Variants in LONRF1 observed in about 807,000 individuals in gnomAD.
The protein encoded by LONRF1 is LON peptidase N-terminal domain and ring finger 1.
Under a neutral mutation model 85.8 loss-of-function variants are expected in LONRF1, and 37 were observed. The ratio of observed to expected loss-of-function variants is 0.43; its 90% CI spans 0.33 to 0.57. The LOEUF is 0.57. Among genes scored for constraint, LONRF1 ranks in the 20% least tolerant of loss-of-function variants. LONRF1 has a pLI of 0.04. For missense variants in LONRF1, 1,036 were observed against 978.0 expected (o/e 1.06, Z -0.79); for synonymous variants, 517 against 390.1 (o/e 1.33, Z -3.83).
At position 12,723,294 on chromosome 8, in the gene LONRF1, G is replaced by C. The variant is rs778923727; in HGVS notation, c.2164-40C>G. 7 of 1,554,806 alleles carry C rather than the reference G, an allele frequency of 4.5e-6. No homozygotes were observed. In the African/African-American group the frequency reaches 5.5e-5, roughly 12 times the overall value. Reference sequence around the variant, plus strand: ...CAGTTTATAGCATTAATAAAACAAGGATTTATGTAACAACAGTAGCAAACC... The same window carrying C: ...CAGTTTATAGCATTAATAAAACAAGCATTTATGTAACAACAGTAGCAAACC... On this transcript the variant is annotated intron_variant, in intron 11 of 11. Transcript: ENST00000398246.
intron 8 of LONRF1, 87 bp from the exon 9 acceptor site, chr8:12,729,419 T>C: frequency 1.6e-6 from 2 of 1,286,946 alleles, no homozygotes; most frequent in South Asian, 2.8e-5. Context: ...TTTATAACAG[T>C]AATGAACTAA....
chr8:12,736,886 A>G lies in LONRF1; in HGVS notation c.1354+14T>C, dbSNP rs1313528022. 11 of 1,597,972 alleles carry G rather than the reference A, an allele frequency of 6.9e-6. No individual in the cohort carries two copies. Among genetic ancestry groups the G allele is most frequent in the East Asian group, 4.5e-5 (2 of 44,272 alleles). On this transcript the variant is annotated intron_variant, in intron 5 of 11. Coordinates refer to ENST00000398246, the MANE Select transcript of LONRF1 (RefSeq NM_152271.5). The stretch of plus-strand genomic sequence containing the variant: ...ATAAATTTATTTTATATAAGTGTAG[A>G]GCAAAATTTTTACCTCCTTGTTTTT...
chr8:12,740,397 T>G (rs1335902959), intron 3 of LONRF1, among the ~76,000 whole-genome samples: 6 of 152,088 alleles, frequency 3.9e-5, no homozygotes, highest in Admixed American at 3.9e-4. Context: ...TCTCCTATCT[T>G]TAAAAATTAA....
chr8:12,733,589 TA>T lies in LONRF1; in HGVS notation c.1566+1696del, dbSNP rs1554462840. Among the ~76,000 whole-genome samples, 426 of 152,288 alleles carry T rather than the reference TA, an allele frequency of 2.8e-3. 1 individual carries two copies. The highest frequency in any genetic ancestry group is 9.5e-3 in the African/African-American group (395 of 41,550). On this transcript the variant is annotated intron_variant, in intron 7 of 11. Coordinates refer to ENST00000398246, the MANE Select transcript of LONRF1 (RefSeq NM_152271.5). ...CAACTCTGTCCTTCAGTGACAGATA[TA>T]TAATATCTGTCATAATATCTTCGAT...
At chr8:12,724,077 G>T (rs924752832) in intron 11 of LONRF1, among the ~76,000 whole-genome samples, 1 of 152,186 alleles carries the variant, frequency 6.6e-6, no homozygotes, top group Admixed American at 6.5e-5. Context: ...GGCCCCTCTA[G>T]AATCAGATTC....
chr8:12,729,437 C>CA, intron 8 of LONRF1, 105 bp from the exon 9 acceptor site: 7 of 1,133,684 alleles, frequency 6.2e-6, no homozygotes, highest in East Asian at 2.5e-5. Context: ...TAATGTAAAG[C>CA]AAAAAAAGAA....
intron 7 of LONRF1, 33 bp downstream of exon 7, chr8:12,735,253 G>T: frequency 1.4e-6 from 2 of 1,430,814 alleles, no homozygotes; most frequent in South Asian, 1.2e-5. Flanking sequence ...CCAAACTTAA[G>T]ACCAACAAAC....
Position 12,722,335 on chromosome 8 carries a change from T to C in LONRF1, c.*761A>G, listed in dbSNP as rs1268617999. The stretch of plus-strand genomic sequence containing the variant: ...ACTGAATTGAGTTCTCCCTTTACCT[T>C]TATGTACAATTAAATGTAAACCATA... On this transcript the variant is annotated 3_prime_UTR_variant, in exon 12 of 12. Coordinates refer to ENST00000398246, the MANE Select transcript of LONRF1 (RefSeq NM_152271.5). 1 of 152,654 alleles carries C rather than the reference T, an allele frequency of 6.6e-6. No individual in the cohort carries two copies. Among genetic ancestry groups the C allele is most frequent in the Non-Finnish European group, 1.5e-5 (1 of 68,042 alleles). 9.5% of individuals were successfully genotyped at this position (152,654 alleles called of 1,614,324 possible).
chr8:12,738,130 TA>T lies in LONRF1; in HGVS notation c.977del (p.Leu326TyrfsTer7). The part of the protein sequence containing the change: ...KLQVQKILCD[L>X]LLPENLKEGL... ...CTTCTTTTAAGTTTTCAGGTAATAA[TA>T]AATCACATAAAATCTGTAAGAGAAA... On this transcript the variant is annotated frameshift_variant, in exon 4 of 12. Coordinates refer to ENST00000398246, the MANE Select transcript of LONRF1 (RefSeq NM_152271.5). LOFTEE classifies it high-confidence loss of function. 6.4e-7 allele frequency: 1 copy of T among 1,564,056 alleles called. No individual in the cohort carries two copies. The highest frequency in any genetic ancestry group is 8.7e-7 in the Non-Finnish European group (1 of 1,146,392).
chr8:12,738,777 C>T (rs918947415), intron 3 of LONRF1: 1 of 152,082 alleles, frequency 6.6e-6, no homozygotes, highest in Non-Finnish European at 1.5e-5. Flanking sequence ...AAAACTCCAA[C>T]AGAAACAGGT....
intron 2 of LONRF1, 142 bp from the exon 3 acceptor site, chr8:12,741,138 C>G (rs1798919009): frequency 1.3e-6 from 1 of 790,034 alleles, no homozygotes; most frequent in South Asian, 1.7e-5. Flanking sequence ...AATCCCAGCA[C>G]TTTGGGAGGC....
At position 12,743,211 on chromosome 8, in the gene LONRF1, T is replaced by C. The variant is rs1139354; in HGVS notation, c.793A>G (p.Ile265Val). The C allele has an allele frequency of 4.5e-5, 73 of 1,613,190 alleles. No individual in the cohort carries two copies. In the South Asian group the frequency reaches 6.8e-4, roughly 15 times the overall value. Residue 265 changes from isoleucine to valine, a missense_variant, in exon 2 of 12, where the codon ATA (isoleucine) becomes GTA (valine). Around this residue, in one of 3 missense-constraint regions of LONRF1, gnomAD observed 742 missense variants for 614.4 expected, o/e 1.21. Transcript: ENST00000398246. Reference sequence around the variant, plus strand: ...AAAAGAACTGCATTTAAATCTTCTATGGCTGCTTTAAACTCTTGGAGACCA... The same window carrying C: ...AAAAGAACTGCATTTAAATCTTCTACGGCTGCTTTAAACTCTTGGAGACCA... ...YAGLQEFKAAIEDLNAVLFQL... is the reference protein window; with the variant it reads ...YAGLQEFKAAVEDLNAVLFQL...
In LONRF1 at chr8:12,722,474, G is replaced by T. The variant is rs1413033719; in HGVS notation, c.*622C>A. 6.6e-6 allele frequency: 1 copy of T among 152,642 alleles called. No individual in the cohort carries two copies. Among genetic ancestry groups the T allele is most frequent in the Non-Finnish European group, 1.5e-5 (1 of 68,052 alleles). 9.5% of individuals were successfully genotyped at this position (152,642 alleles called of 1,614,324 possible). On this transcript the variant is annotated 3_prime_UTR_variant, in exon 12 of 12. Coordinates refer to ENST00000398246, the MANE Select transcript of LONRF1 (RefSeq NM_152271.5). Reference sequence around the variant, plus strand: ...TCCAATGCCTGTCGGCCACTGTGATGCAAGTATTTACATAAATAAGAAACT... The same window carrying T: ...TCCAATGCCTGTCGGCCACTGTGATTCAAGTATTTACATAAATAAGAAACT...
In LONRF1 at chr8:12,723,068, C is replaced by T. The variant is rs1332170393; in HGVS notation, c.*28G>A. On this transcript the variant is annotated 3_prime_UTR_variant, in exon 12 of 12. Coordinates refer to ENST00000398246, the MANE Select transcript of LONRF1 (RefSeq NM_152271.5). ...GCCATCAATGCAGCCAGATTAGGGT[C>T]ACTTTAAAGGGAGATCCAAAGAGTT... The T allele has an allele frequency of 1.3e-6, 2 of 1,565,044 alleles. No individual in the cohort carries two copies. Among genetic ancestry groups the T allele is most frequent in the African/African-American group, 2.7e-5 (2 of 73,586 alleles).
chr8:12,731,454 C>A (rs1798526329), intron 8 of LONRF1, among the ~76,000 whole-genome samples: 1 of 152,156 alleles, frequency 6.6e-6, no homozygotes, highest in African/African-American at 2.4e-5. Context: ...CCAGCGCCCC[C>A]TCTCTATTTC....
At position 12,743,234 on chromosome 8, in the gene LONRF1, C is replaced by G; in HGVS notation, c.770G>C (p.Gly257Ala). ...TATGGCTGCTTTAAACTCTTGGAGA[C>G]CAGCATATGATTCCGCTCTGTAAAT... ...VKIYRAESYA[G>A]LQEFKAAIED... is the part of the protein sequence containing the mutation. Residue 257 changes from glycine to alanine, a missense_variant, in exon 2 of 12, where the codon GGT becomes GCT. Coordinates refer to ENST00000398246, the MANE Select transcript of LONRF1 (RefSeq NM_152271.5). 1 of 1,613,058 alleles carries G rather than the reference C, an allele frequency of 6.2e-7. No individual in the cohort carries two copies. The highest frequency in any genetic ancestry group is 1.3e-5 in the African/African-American group (1 of 74,950).
intron 2 of LONRF1, among the ~76,000 whole-genome samples, chr8:12,742,882 T>C (rs573811958): frequency 6.6e-6 from 1 of 152,178 alleles, no homozygotes; most frequent in African/African-American, 2.4e-5. Context: ...CAAACAACCA[T>C]GCCAGGCTCA....
At position 12,755,479 on chromosome 8, in the gene LONRF1, G is replaced by T; in HGVS notation, c.-59C>A. 1 of 950,898 alleles carries T rather than the reference G, an allele frequency of 1.1e-6. No individual in the cohort carries two copies. The highest frequency in any genetic ancestry group is 1.3e-6 in the Non-Finnish European group (1 of 781,656). The allele number at this position is 950,898 out of a possible 1,614,324, so 58.9% of individuals were successfully genotyped here. ...GCCACGGTCCCGGAGCCTCCCGGGC[G>T]CGCGGCTCCGCACGCGGCCCGCGAG... On this transcript the variant is annotated 5_prime_UTR_variant, in exon 1 of 12. Coordinates refer to ENST00000398246, the MANE Select transcript of LONRF1 (RefSeq NM_152271.5).
At chr8:12,754,133 A>ACGCCCCC (rs1799527640) in intron 1 of LONRF1, 1 of 151,730 alleles carries the variant, frequency 6.6e-6, no homozygotes, top group South Asian at 2.1e-4. Flanking sequence ...CCGTTACACA[A>ACGCCCCC]CGCCCCCCGC....
Sources: allele counts gnomAD v4.1 joint callset (sites outside exome capture counted in the v4.1 genomes callset), GRCh38; gene constraint gnomAD v4.1.1; regional missense constraint gnomAD v4.1.1; transcripts MANE v1.5; gene names NCBI Gene and HGNC (gene_info 2026-07-23, HGNC 2026-07-21).